The following NCK2 variants were observed in gnomAD, a reference collection of about 807,000 sequenced individuals.
NCK2 encodes the protein cytoplasmic protein NCK2.
Under a neutral mutation model 33.9 loss-of-function variants are expected in NCK2, and 16 were observed. The observed-to-expected ratio is 0.47, with a 90% CI of 0.32 to 0.72. The LOEUF is 0.72. Among genes scored for constraint, NCK2 ranks in the 30% least tolerant of loss-of-function variants. The probability of loss-of-function intolerance (pLI) is 0.03; values close to 1 mark genes in which losing one functional copy is unlikely to be tolerated. For synonymous variants in NCK2, 273 were observed against 239.9 expected (o/e 1.14, Z -1.27); for missense variants, 418 against 537.3 (o/e 0.78, Z 2.19).
rs767975664 is a variant in NCK2 at position 105,882,011 on chromosome 2, G to C, written c.910G>C (p.Val304Leu). ...CGAGTGCGCCCTCAACGAGCGGGGC[G>C]TGGAGGGCGACTTCCTCATTAGGGA... ...QAECALNERG[V>L]EGDFLIRDSE... Residue 304 changes from valine to leucine, a missense_variant, in exon 4 of 5, where the codon GTG becomes CTG. Transcript: ENST00000233154. The C allele has an allele frequency of 6.6e-7, 1 of 1,506,220 alleles. No homozygotes were observed. Among genetic ancestry groups the C allele is most frequent in the South Asian group, 1.3e-5 (1 of 74,202 alleles). The allele number at this position is 1,506,220 out of a possible 1,614,324, so 93.3% of individuals were successfully genotyped here.
intron 4 of NCK2, among the ~76,000 whole-genome samples, chr2:105,891,565 T>TAG (rs1678982509): frequency 1.2e-4 from 2 of 16,480 alleles, no homozygotes; most frequent in Admixed American, 6.7e-4. Flanking sequence ...TTTTTTTTTT[T>TAG]TTTGAGATTT....
intron 1 of NCK2, among the ~76,000 whole-genome samples, chr2:105,801,360 T>TC (rs991659505): frequency 6.6e-6 from 1 of 151,406 alleles, no homozygotes; most frequent in Non-Finnish European, 1.5e-5. Flanking sequence ...TCGGCTTGCC[T>TC]CCCCCCTTCC....
intron 1 of NCK2, among the ~76,000 whole-genome samples, chr2:105,813,173 T>C (rs1219477647): frequency 6.6e-6 from 1 of 152,172 alleles, no homozygotes; most frequent in Non-Finnish European, 1.5e-5. Context: ...AGGGTTGCTG[T>C]GACGATTCTT....
At chr2:105,826,412 G>A (rs1176438515) in intron 2 of NCK2, among the ~76,000 whole-genome samples, 5 of 152,248 alleles carry the variant, frequency 3.3e-5, no homozygotes, top group African/African-American at 4.8e-5. Context: ...ACCACCCTTC[G>A]AGGACCAATT....
At chr2:105,855,320 T>G (rs1383437593) in intron 3 of NCK2, 31 bp downstream of exon 3, 4 of 1,524,930 alleles carry the variant, frequency 2.6e-6, no homozygotes, top group East Asian at 2.3e-5. Context: ...AGAGGAAGCC[T>G]TGTGCATTTC....
chr2:105,767,224 A>T (rs1487809820), intron 1 of NCK2, among the ~76,000 whole-genome samples: 2 of 152,224 alleles, frequency 1.3e-5, no homozygotes, highest in Non-Finnish European at 1.5e-5. Flanking sequence ...TGTCACACAT[A>T]CATGTCATGT....
chr2:105,836,403 A>G (rs1177516454), intron 2 of NCK2, among the ~76,000 whole-genome samples: 1 of 152,098 alleles, frequency 6.6e-6, no homozygotes, highest in East Asian at 1.9e-4. Flanking sequence ...GGTGTCTGCA[A>G]GTGCCTCAGT....
intron 3 of NCK2, among the ~76,000 whole-genome samples, chr2:105,862,126 C>T (rs192174567): frequency 1.2e-3 from 190 of 152,244 alleles, no homozygotes; most frequent in Non-Finnish European, 2.1e-3. Flanking sequence ...GCAATTTATA[C>T]AGCACTTTGC....
rs762683461 is a variant in NCK2, at chr2:105,881,687, G to T, written c.586G>T (p.Val196Leu). 1 of 1,613,960 alleles carries T rather than the reference G, an allele frequency of 6.2e-7. No homozygotes were observed. Among genetic ancestry groups the T allele is most frequent in the African/African-American group, 1.3e-5 (1 of 75,068 alleles). The change falls in exon 4 of 5, where the codon GTG (valine) becomes TTG (leucine). Residue 196 changes from valine to leucine, a missense_variant. By Grantham distance (32) the Val-to-Leu change is conservative (BLOSUM62 1). Coordinates refer to ENST00000233154, the MANE Select transcript of NCK2 (RefSeq NM_003581.5). ...ASLSNGQGSR[V>L]LHVVQTLYPF... The stretch of plus-strand genomic sequence containing the variant: ...GCTGAGCAATGGCCAGGGCTCCCGC[G>T]TGCTGCATGTGGTCCAGACGCTGTA...
At chr2:105,816,138 T>C (rs922128527) in intron 1 of NCK2, among the ~76,000 whole-genome samples, 4 of 152,120 alleles carry the variant, frequency 2.6e-5, no homozygotes, top group Admixed American at 1.3e-4. Context: ...ATTTAAAACA[T>C]TGGTTTCAAA....
chr2:105,751,330 C>G (rs962215869), intron 1 of NCK2, among the ~76,000 whole-genome samples: 1 of 152,190 alleles, frequency 6.6e-6, no homozygotes, highest in African/African-American at 2.4e-5. Context: ...TGTCCTTTTT[C>G]TGTTTCCCCT....
At chr2:105,784,688 A>G (rs1023579245) in intron 1 of NCK2, among the ~76,000 whole-genome samples, 3 of 152,226 alleles carry the variant, frequency 2.0e-5, no homozygotes, top group African/African-American at 7.2e-5. Flanking sequence ...CATTTAGTCT[A>G]GTGAAAACTA....
intron 2 of NCK2, among the ~76,000 whole-genome samples, chr2:105,829,804 A>G (rs1676096876): frequency 6.6e-6 from 1 of 152,134 alleles, no homozygotes; most frequent in African/African-American, 2.4e-5. Context: ...CCCATAGTTA[A>G]GGGAGGGGAG....
intron 1 of NCK2, among the ~76,000 whole-genome samples, chr2:105,769,955 A>C (rs1367027599): frequency 6.6e-6 from 1 of 152,154 alleles, no homozygotes; most frequent in Non-Finnish European, 1.5e-5. Context: ...CCCCGCCATG[A>C]GGTCTGACTT....
intron 1 of NCK2, among the ~76,000 whole-genome samples, chr2:105,806,238 CTTTTTTT>C (rs56141591): frequency 7.4e-6 from 1 of 135,970 alleles, no homozygotes; most frequent in Non-Finnish European, 1.5e-5. Context: ...CATTTTCTTT[CTTTTTTT>C]TTTTTTTTTT....
chr2:105,760,879 A>G lies in NCK2; in HGVS notation c.-201+15741A>G, dbSNP rs1350501266. Reference sequence around the variant, plus strand: ...TAAAAAATCACCGAAAAATCTTCATAGTTTCTACATGTGTCATGCCTTGCG... The same window carrying G: ...TAAAAAATCACCGAAAAATCTTCATGGTTTCTACATGTGTCATGCCTTGCG... On this transcript the variant is annotated intron_variant, in intron 1 of 4. Transcript: ENST00000233154. Among the ~76,000 whole-genome samples the G allele has an allele frequency of 4.0e-5, 6 of 151,724 alleles. 1 individual carries two copies. The highest frequency in any genetic ancestry group is 4.2e-4 in the South Asian group (2 of 4,806).
At chr2:105,872,366 T>C (rs1678050880) in intron 3 of NCK2, among the ~76,000 whole-genome samples, 1 of 152,182 alleles carries the variant, frequency 6.6e-6, no homozygotes, top group South Asian at 2.1e-4. Context: ...CTCTGAGTCC[T>C]TCTGCTCACA....
intron 2 of NCK2, among the ~76,000 whole-genome samples, chr2:105,817,358 A>G (rs561826933): frequency 6.6e-6 from 1 of 152,196 alleles, no homozygotes; most frequent in Non-Finnish European, 1.5e-5. Context: ...AAAACATGTC[A>G]CTGTGCAACA....
chr2:105,887,395 A>T (rs1377371618), intron 4 of NCK2, among the ~76,000 whole-genome samples: 4 of 152,106 alleles, frequency 2.6e-5, no homozygotes, highest in Admixed American at 6.5e-5. Flanking sequence ...CAACAGGGTG[A>T]CCTCTCTCTG....
Sources: gnomAD v4.1 joint callset for allele counts (sites outside exome capture counted in the v4.1 genomes callset) on GRCh38, gnomAD v4.1.1 for gene constraint, MANE v1.5 for transcripts, NCBI Gene and HGNC (gene_info 2026-07-23, HGNC 2026-07-21) for gene names.